COL4A3: variants seen among roughly 807,000 people sequenced by gnomAD.
COL4A3 encodes the protein collagen type IV alpha 3 chain.
COL4A3 carries 135 observed loss-of-function variants against 217.4 expected under a neutral mutation model. That is an observed-to-expected ratio of 0.62 (90% confidence interval 0.54 to 0.72). COL4A3 has a LOEUF of 0.72. Among genes scored for constraint, COL4A3 ranks in the 30% least tolerant of loss-of-function variants. The pLI is 0.00. For synonymous variants in COL4A3, 690 were observed against 736.3 expected (o/e 0.94, Z 1.02); for missense variants, 1,868 against 2,119.9 (o/e 0.88, Z 2.33).
intron 19 of COL4A3, 137 bp from the exon 20 acceptor site, chr2:227,260,945 T>G (rs1349325322): frequency 2.9e-6 from 2 of 691,224 alleles, no homozygotes; most frequent in Non-Finnish European, 5.1e-6. Context: ...TTCTGATATT[T>G]GTCTAGGTGA....
chr2:227,290,692 A>G, intron 36 of COL4A3, 55 bp from the exon 37 acceptor site: 1 of 1,581,062 alleles, frequency 6.3e-7, no homozygotes, highest in Non-Finnish European at 8.7e-7. Flanking sequence ...AAAGTAGAAA[A>G]CTTCAAGATC....
At chr2:227,184,430 T>A (rs945309558) in intron 1 of COL4A3, among the ~76,000 whole-genome samples, 1 of 152,210 alleles carries the variant, frequency 6.6e-6, no homozygotes, top group African/African-American at 2.4e-5. Context: ...TATTGAAATA[T>A]CAGTCCTTCT....
chr2:227,193,660 C>T (rs13023778), intron 1 of COL4A3, among the ~76,000 whole-genome samples: 26,116 of 141,378 alleles, frequency 0.18, 2,879 homozygotes, highest in Non-Finnish European at 0.24. Context: ...TGCAGTGAGC[C>T]GAGATTGCAC....
Position 227,253,247 on chromosome 2 carries a change from T to G in COL4A3, c.646-49T>G. 6.7e-7 allele frequency: 1 copy of G among 1,489,186 alleles called. No homozygotes were observed. The highest frequency in any genetic ancestry group is 1.7e-5 in the Admixed American group (1 of 59,788). The allele number at this position is 1,489,186 out of a possible 1,614,324, so 92.2% of individuals were successfully genotyped here. On this transcript the variant is annotated intron_variant, in intron 11 of 51. Coordinates refer to ENST00000396578, the MANE Select transcript of COL4A3 (RefSeq NM_000091.5). This position sits in a 1 kb window ranked among gnomAD's most constrained non-coding sequence, Gnocchi z 4.4. Reference sequence around the variant, plus strand: ...GGAACTTTGATGGGTTTAGACTATTTATTCATATTTATTTTTAGAAAATAA... The same window carrying G: ...GGAACTTTGATGGGTTTAGACTATTGATTCATATTTATTTTTAGAAAATAA...
chr2:227,306,718 G>A (rs964868604), intron 47 of COL4A3, among the ~76,000 whole-genome samples: 3 of 152,106 alleles, frequency 2.0e-5, no homozygotes. Context: ...TCCGAGTCAG[G>A]ACTAAACTGT....
chr2:227,304,578 T>C (rs930693058), intron 46 of COL4A3, among the ~76,000 whole-genome samples: 9 of 152,222 alleles, frequency 5.9e-5, no homozygotes, highest in Admixed American at 5.2e-4. Flanking sequence ...TGTTTGGAAA[T>C]TGAACTAACC....
chr2:227,202,746 A>AATATATAT (rs56134612), intron 1 of COL4A3, among the ~76,000 whole-genome samples: 1 of 22,216 alleles, frequency 4.5e-5, no homozygotes. Flanking sequence ...AAAAAAAAAA[A>AATATATAT]ATATATATAT....
At chr2:227,305,972 A>G (rs750763809) in intron 47 of COL4A3, among the ~76,000 whole-genome samples, 19 of 152,238 alleles carry the variant, frequency 1.2e-4, no homozygotes, top group Non-Finnish European at 2.2e-4. Flanking sequence ...CTATAGACTT[A>G]AATTTTTAAA....
chr2:227,283,535 G>A (rs1170579068), intron 32 of COL4A3, among the ~76,000 whole-genome samples: 1 of 152,208 alleles, frequency 6.6e-6, no homozygotes, highest in Non-Finnish European at 1.5e-5. Flanking sequence ...TTCCACATAT[G>A]CTATCCTCAT....
At chr2:227,228,235 C>G (rs2068205470) in intron 1 of COL4A3, among the ~76,000 whole-genome samples, 1 of 152,194 alleles carries the variant, frequency 6.6e-6, no homozygotes. Flanking sequence ...GCGGGGGCAT[C>G]CCGCAAAGCA....
At chr2:227,301,870 T>G (rs1306104388) in intron 43 of COL4A3, 3 of 152,256 alleles carry the variant, frequency 2.0e-5, no homozygotes, top group Admixed American at 2.0e-4. Context: ...CTCTCTCCTT[T>G]TTTAACAACA....
chr2:227,213,367 A>C (rs2067398117), intron 1 of COL4A3, among the ~76,000 whole-genome samples: 1 of 152,160 alleles, frequency 6.6e-6, no homozygotes, highest in Non-Finnish European at 1.5e-5. Flanking sequence ...GGAGAGTAAA[A>C]GAGTAAATAT....
chr2:227,240,773 C>A (rs1214568886), intron 3 of COL4A3, among the ~76,000 whole-genome samples: 1 of 152,204 alleles, frequency 6.6e-6, no homozygotes, highest in African/African-American at 2.4e-5. Flanking sequence ...TGTCAAACTT[C>A]TTAAAAGAAT....
chr2:227,170,506 A>G (rs1432431584), intron 1 of COL4A3, among the ~76,000 whole-genome samples: 1 of 152,090 alleles, frequency 6.6e-6, no homozygotes, highest in African/African-American at 2.4e-5. Context: ...CCCAAATGAA[A>G]GGGGAAACCC....
At chr2:227,291,553 A>C (rs2072715662) in intron 37 of COL4A3, among the ~76,000 whole-genome samples, 1 of 127,020 alleles carries the variant, frequency 7.9e-6, no homozygotes, top group African/African-American at 3.2e-5. Context: ...ACACAGCGAG[A>C]CTCCGTCTCA....
chr2:227,185,810 C>T (rs541766319), intron 1 of COL4A3, among the ~76,000 whole-genome samples: 10 of 152,320 alleles, frequency 6.6e-5, no homozygotes, highest in South Asian at 6.2e-4. Context: ...GGGATTCTGG[C>T]TCAATAAGTC....
chr2:227,244,969 G>C lies in COL4A3; in HGVS notation c.298G>C (p.Gly100Arg), dbSNP rs762282540. 6.2e-7 allele frequency: 1 copy of C among 1,612,870 alleles called. No individual in the cohort carries two copies. The highest frequency in any genetic ancestry group is 8.5e-7 in the Non-Finnish European group (1 of 1,179,492). ...KGVRGISGLP[G>R]FSGSPGLPGT... ...TCTTCAGGGAATAAGTGGATTGCCA[G>C]GATTTTCTGGTTCTCCTGGACTTCC... The change falls in exon 5 of 52, where the codon GGA becomes CGA. Residue 100 changes from glycine (G) to arginine (R), a missense_variant. By Grantham distance (125) the Gly-to-Arg change is moderately radical. Around this residue, in one of 2 missense-constraint regions of COL4A3, gnomAD observed 365 missense variants for 333.8 expected, o/e 1.09. Coordinates refer to ENST00000396578, the MANE Select transcript of COL4A3 (RefSeq NM_000091.5).
chr2:227,283,683 GT>G, intron 32 of COL4A3, 83 bp from the exon 33 acceptor site: 1 of 1,145,664 alleles, frequency 8.7e-7, no homozygotes. Context: ...CTGCTTCTAA[GT>G]ATAATTTATT....
intron 1 of COL4A3, among the ~76,000 whole-genome samples, chr2:227,229,464 C>G (rs1057405460): frequency 2.0e-5 from 3 of 152,164 alleles, no homozygotes; most frequent in African/African-American, 4.8e-5. Flanking sequence ...GTCTCTCACC[C>G]TTGCTCTTAG....
Sources: gnomAD v4.1 joint callset for allele counts (sites outside exome capture counted in the v4.1 genomes callset) on GRCh38, gnomAD v4.1.1 for gene constraint, gnomAD v4.1.1 regional missense constraint, Gnocchi (gnomAD v3.1) non-coding constraint, MANE v1.5 for transcripts, NCBI Gene and HGNC (gene_info 2026-07-23, HGNC 2026-07-21) for gene names.